MYO7B: variants seen among roughly 807,000 people sequenced by gnomAD.
MYO7B encodes the protein unconventional myosin-VIIb.
MYO7B carries 212 observed loss-of-function variants against 259.7 expected under a neutral mutation model. The ratio of observed to expected loss-of-function variants is 0.82; its 90% CI spans 0.73 to 0.91. MYO7B has a LOEUF of 0.91. MYO7B is among the 40% of genes least tolerant of loss of function. MYO7B has a pLI of 0.00. For missense variants in MYO7B, 2,732 were observed against 2,813.5 expected, an observed-to-expected ratio of 0.97 and a Z score of 0.66; for synonymous variants, 1,197 against 1,166.4, an observed-to-expected ratio of 1.03 and a Z score of -0.54.
chr2:127,570,686 T>A (rs933179853), intron 6 of MYO7B, among the ~76,000 whole-genome samples: 4 of 152,200 alleles, frequency 2.6e-5, no homozygotes, highest in African/African-American at 9.7e-5. Flanking sequence ...GTGGTTCCCA[T>A]CATCATCATG....
At chr2:127,569,687 A>G in intron 5 of MYO7B, 102 bp from the exon 6 acceptor site, 2 of 1,430,062 alleles carry the variant, frequency 1.4e-6, no homozygotes, top group South Asian at 1.4e-5. Flanking sequence ...CATCCCTGTC[A>G]GACTGGCTCA....
In MYO7B at chr2:127,628,168, C is replaced by G. The variant is rs927102252; in HGVS notation, c.4461-204C>G. ...AACCCCACACATGGGCTGCACCACTCTCAGCCTCCGAGAGGTCCTGTGCTC... is the reference window on the plus strand; with the variant it reads ...AACCCCACACATGGGCTGCACCACTGTCAGCCTCCGAGAGGTCCTGTGCTC... On this transcript the variant is annotated intron_variant, in intron 33 of 47. Transcript: ENST00000409816. The surrounding 1 kb of genome is among the most constrained non-coding windows in gnomAD (Gnocchi z 4.8). 5.6e-6 allele frequency: 4 copies of G among 712,810 alleles called. No individual in the cohort carries two copies. Among genetic ancestry groups the G allele is most frequent in the Admixed American group, 2.0e-5 (1 of 49,418 alleles). The allele number at this position is 712,810 out of a possible 1,614,324, so 44.2% of individuals were successfully genotyped here. A position where few individuals can be genotyped will look rare whatever the true frequency, so the allele number is the denominator to read the frequency against.
rs1460744203 is a variant in MYO7B, at chr2:127,586,296, G to T, written c.1690+1383G>T. On this transcript the variant is annotated intron_variant, in intron 14 of 47. Coordinates refer to ENST00000409816, the MANE Select transcript of MYO7B (RefSeq NM_001393586.1). The surrounding 1 kb of genome is among the most constrained non-coding windows in gnomAD (Gnocchi z 4.8). Reference sequence around the variant, plus strand: ...GAAGGCCTGGGGTGGTCACCCTATGGGTGTGCCAAGAAAAACGAGGAAGGT... The same window carrying T: ...GAAGGCCTGGGGTGGTCACCCTATGTGTGTGCCAAGAAAAACGAGGAAGGT... 6.6e-6 allele frequency among the ~76,000 whole-genome samples: 1 copy of T among 152,162 alleles called. No individual in the cohort carries two copies. The highest frequency in any genetic ancestry group is 1.5e-5 in the Non-Finnish European group (1 of 68,038).
Position 127,615,448 on chromosome 2 carries a change from G to A in MYO7B, c.3398+2845G>A, listed in dbSNP as rs1820970. 0.24 allele frequency among the ~76,000 whole-genome samples: 36,159 copies of A among 152,028 alleles called. 5,447 individuals are homozygous for A. The highest frequency in any genetic ancestry group is 0.43 in the African/African-American group (17,735 of 41,406). On this transcript the variant is annotated intron_variant, in intron 26 of 47. Transcript: ENST00000409816. This position sits in a 1 kb window ranked among gnomAD's most constrained non-coding sequence, Gnocchi z 4.4. ...AAGAAAAGGGCTCCCTACTCCTAGT[G>A]AGCAAAGACAGCCCCCGCCCTGAGC...
In MYO7B at chr2:127,624,181, G is replaced by A. The variant is rs183915346; in HGVS notation, c.3908G>A (p.Arg1303His). 6,030 of 1,597,366 alleles carry A rather than the reference G, an allele frequency of 3.8e-3. 21 individuals are homozygous for A. The highest frequency in any genetic ancestry group is 4.6e-3 in the Non-Finnish European group (5,383 of 1,172,704). ...GCCCAGGAGAGGGGCGAGAGCCAGC[G>A]CCAGTCACCCTGGCGCATCTACTTC... ...QMAQERGESQ[R>H]QSPWRIYFRK... Residue 1303 changes from arginine (R) to histidine (H), a missense_variant, in exon 30 of 48, where the codon CGC (arginine) becomes CAC (histidine). Arg to His is a conservative substitution (Grantham distance 29). Coordinates refer to ENST00000409816, the MANE Select transcript of MYO7B (RefSeq NM_001393586.1).
intron 2 of MYO7B, among the ~76,000 whole-genome samples, chr2:127,561,515 G>A (rs1217505028): frequency 6.6e-5 from 10 of 152,182 alleles, no homozygotes; most frequent in African/African-American, 2.2e-4. Context: ...CACCCGCCTC[G>A]GCCTCCCAAA....
chr2:127,627,653 G>A lies in MYO7B; in HGVS notation c.4460+343G>A, dbSNP rs575578776. 2.1e-6 allele frequency: 1 copy of A among 469,774 alleles called. No homozygotes were observed. The highest frequency in any genetic ancestry group is 1.5e-5 in the South Asian group (1 of 64,670). The allele number at this position is 469,774 out of a possible 1,614,324, so 29.1% of individuals were successfully genotyped here. On this transcript the variant is annotated intron_variant, in intron 33 of 47. Transcript: ENST00000409816. The surrounding 1 kb of genome is among the most constrained non-coding windows in gnomAD (Gnocchi z 5.6). ...GTCATGGACGAGAACTGGTGGCCTGGAGGGTACAGGTTGTCTGGGAAGGCG... is the reference window on the plus strand; with the variant it reads ...GTCATGGACGAGAACTGGTGGCCTGAAGGGTACAGGTTGTCTGGGAAGGCG...
chr2:127,563,514 T>C (rs371807410), intron 2 of MYO7B, among the ~76,000 whole-genome samples: 1 of 152,006 alleles, frequency 6.6e-6, no homozygotes, highest in East Asian at 1.9e-4. Context: ...CCTGCAAATA[T>C]GGAAGACCTG....
At chr2:127,625,593 G>T (rs1030602277) in intron 31 of MYO7B, 58 bp downstream of exon 31, 16 of 1,493,018 alleles carry the variant, frequency 1.1e-5, no homozygotes, top group Admixed American at 6.7e-5. Context: ...GAGGTGGGGG[G>T]GCTCATGGTA....
chr2:127,554,385 A>G (rs1693561517), intron 1 of MYO7B, among the ~76,000 whole-genome samples: 2 of 152,166 alleles, frequency 1.3e-5, no homozygotes, highest in South Asian at 4.1e-4. Flanking sequence ...TATCACATTT[A>G]TTGACTTGCG....
At chr2:127,536,520 C>T (rs1692786594) in intron 1 of MYO7B, among the ~76,000 whole-genome samples, 1 of 151,928 alleles carries the variant, frequency 6.6e-6, no homozygotes, top group South Asian at 2.1e-4. Context: ...CACCGGGGCT[C>T]ACATGGGCTG....
intron 1 of MYO7B, among the ~76,000 whole-genome samples, chr2:127,558,357 C>T (rs1677913824): frequency 6.6e-6 from 1 of 152,094 alleles, no homozygotes; most frequent in African/African-American, 2.4e-5. Flanking sequence ...AAGATGTTAG[C>T]ATGGATGCAG....
Position 127,581,927 on chromosome 2 carries a change from C to T in MYO7B, c.1117C>T (p.His373Tyr), listed in dbSNP as rs781366589. 5.0e-6 allele frequency: 8 copies of T among 1,613,804 alleles called. No homozygotes were observed. In the South Asian group the frequency reaches 6.6e-5, roughly 13 times the overall value. The change falls in exon 11 of 48, where the codon CAC (histidine) becomes TAC (tyrosine). Residue 373 changes from histidine (H) to tyrosine (Y), a missense_variant. By Grantham distance (83) the His-to-Tyr change is moderately conservative. Transcript: ENST00000409816. ...HQELRDCLIK[H>Y]TILIRGEFVT... ...GGAGCTCCGGGACTGTCTGATCAAGCACACCATCCTCATCCGAGGGGAATT... is the reference window on the plus strand; with the variant it reads ...GGAGCTCCGGGACTGTCTGATCAAGTACACCATCCTCATCCGAGGGGAATT...
At position 127,636,074 on chromosome 2, in the gene MYO7B, C is replaced by T. The variant is rs1005404379; in HGVS notation, c.6007-134C>T. The T allele has an allele frequency of 1.7e-5, 18 of 1,052,966 alleles. No individual in the cohort carries two copies. Among genetic ancestry groups the T allele is most frequent in the East Asian group, 7.7e-5 (3 of 38,962 alleles). The allele number at this position is 1,052,966 out of a possible 1,614,324, so 65.2% of individuals were successfully genotyped here. The stretch of plus-strand genomic sequence containing the variant: ...CGCCTTCCTATGCCATCCACAGCAC[C>T]GAGACTGTCCCATGCTGCATTCCTC... On this transcript the variant is annotated intron_variant, in intron 44 of 47. Coordinates refer to ENST00000409816, the MANE Select transcript of MYO7B (RefSeq NM_001393586.1). The surrounding 1 kb of genome is among the most constrained non-coding windows in gnomAD (Gnocchi z 4.5).
Position 127,569,820 on chromosome 2 carries a change from A to G in MYO7B, c.502A>G (p.Thr168Ala), listed in dbSNP as rs1261976518. 3 of 1,613,162 alleles carry G rather than the reference A, an allele frequency of 1.9e-6. No homozygotes were observed. The highest frequency in any genetic ancestry group is 2.5e-6 in the Non-Finnish European group (3 of 1,179,492). ...GTCTGGGGCTGGCAAGACGGAGACC[A>G]CCAAGCTCATCCTGCAGTTCCTGGC... Reference protein sequence around the residue: ...GESGAGKTETTKLILQFLATI... With the variant: ...GESGAGKTETAKLILQFLATI... The change falls in exon 6 of 48, where the codon ACC (threonine) becomes GCC (alanine). Residue 168 changes from threonine (T) to alanine (A), a missense_variant. Physicochemically the swap from Thr to Ala is moderately conservative, Grantham distance 58 (BLOSUM62 0). Around this residue, in one of 3 missense-constraint regions of MYO7B, gnomAD observed 1,906 missense variants for 2,026.4 expected, o/e 0.94. Coordinates refer to ENST00000409816, the MANE Select transcript of MYO7B (RefSeq NM_001393586.1).
rs775480820 is a variant in MYO7B, at chr2:127,627,579, G to A, written c.4460+269G>A. 3.6e-4 allele frequency: 210 copies of A among 584,670 alleles called. 1 individual carries two copies. Among genetic ancestry groups the A allele is most frequent in the Non-Finnish European group, 6.4e-5 (20 of 311,178 alleles). 36.2% of individuals were successfully genotyped at this position (584,670 alleles called of 1,614,324 possible). On this transcript the variant is annotated intron_variant, in intron 33 of 47. Coordinates refer to ENST00000409816, the MANE Select transcript of MYO7B (RefSeq NM_001393586.1). This position sits in a 1 kb window ranked among gnomAD's most constrained non-coding sequence, Gnocchi z 5.6. ...ACCCAGGTCCACCCGGAAGGGGCAG[G>A]GAAGCGTGCAGCCTCTGGCGGGCAC...
intron 19 of MYO7B, among the ~76,000 whole-genome samples, chr2:127,598,119 G>T (rs1439226916): frequency 6.6e-6 from 1 of 152,204 alleles, no homozygotes; most frequent in Non-Finnish European, 1.5e-5. Context: ...TCTCTGGGTT[G>T]TATGCCCAGG....
intron 2 of MYO7B, among the ~76,000 whole-genome samples, chr2:127,560,224 C>T (rs1295512039): frequency 7.9e-5 from 12 of 152,004 alleles, no homozygotes; most frequent in Admixed American, 5.2e-4. Context: ...GAGGGTTTTG[C>T]CATGTTGCCC....
rs974898352 is a variant in MYO7B, at chr2:127,624,943, C to T, written c.4048-425C>T. On this transcript the variant is annotated intron_variant, in intron 30 of 47. Transcript: ENST00000409816. ...TGGAAGAGGCATGGGCAGGGGGTGG[C>T]AGGGGACCAGGCTCCAAGAGGCTTT... 6.6e-5 allele frequency among the ~76,000 whole-genome samples: 10 copies of T among 152,316 alleles called. No homozygotes were observed. The Middle Eastern group carries it at 0.01, about 155-fold the overall frequency.
Sources: gnomAD v4.1 joint callset for allele counts (sites outside exome capture counted in the v4.1 genomes callset) on GRCh38, gnomAD v4.1.1 for gene constraint, gnomAD v4.1.1 regional missense constraint, Gnocchi (gnomAD v3.1) non-coding constraint, MANE v1.5 for transcripts, NCBI Gene and HGNC (gene_info 2026-07-23, HGNC 2026-07-21) for gene names.